Variants in FCHSD2 observed in about 807,000 individuals in gnomAD.
FCHSD2 encodes the protein F-BAR and double SH3 domains protein 2.
Under a neutral mutation model 108.1 loss-of-function variants are expected in FCHSD2, and 38 were observed. The ratio of observed to expected loss-of-function variants is 0.35; its 90% CI spans 0.27 to 0.46. The LOEUF is 0.46. Ranked by LOEUF, FCHSD2 falls within the 20% of genes least tolerant of loss-of-function variation. FCHSD2 has a pLI of 1.00. For synonymous variants in FCHSD2, 279 were observed against 314.7 expected (o/e 0.89, Z 1.20); for missense variants, 751 against 897.8 (o/e 0.84, Z 2.09).
In FCHSD2 at chr11:72,926,826, A is replaced by G. The variant is rs550458050; in HGVS notation, c.706-4876T>C. On this transcript the variant is annotated intron_variant, in intron 8 of 19. Transcript: ENST00000409418. ...GATTAGAAATACTGAACTTTTGTTG[A>G]TAGTTTTGAATTTAGATGTAGAAGC... Among the ~76,000 whole-genome samples the G allele has an allele frequency of 3.2e-4, 49 of 152,310 alleles. No homozygotes were observed. The South Asian group carries it at 9.5e-3, about 30-fold the overall frequency.
intron 3 of FCHSD2, among the ~76,000 whole-genome samples, chr11:73,064,102 C>T (rs548915910): frequency 6.6e-6 from 1 of 152,116 alleles, no homozygotes; most frequent in African/African-American, 2.4e-5. Context: ...GGCCACAGTG[C>T]AATCAAACTA....
chr11:72,911,548 T>C (rs1424223050), intron 9 of FCHSD2, among the ~76,000 whole-genome samples: 3 of 152,246 alleles, frequency 2.0e-5, no homozygotes. Flanking sequence ...TGAAAGAGAC[T>C]GCATTGAATC....
chr11:73,043,118 C>T (rs542934294), intron 3 of FCHSD2, among the ~76,000 whole-genome samples: 1 of 152,266 alleles, frequency 6.6e-6, no homozygotes, highest in Non-Finnish European at 1.5e-5. Context: ...AGTGGGCATC[C>T]TTGTCTTACT....
intron 5 of FCHSD2, among the ~76,000 whole-genome samples, chr11:73,000,597 T>C (rs558666358): frequency 1.3e-5 from 2 of 152,316 alleles, no homozygotes; most frequent in East Asian, 1.9e-4. Flanking sequence ...TTATACAAAA[T>C]GGGTCAAGTT....
chr11:73,057,080 C>G (rs899680722), intron 3 of FCHSD2, among the ~76,000 whole-genome samples: 2 of 152,002 alleles, frequency 1.3e-5, no homozygotes, highest in Non-Finnish European at 2.9e-5. Flanking sequence ...AAGACTCCGA[C>G]TCAAAAACTA....
intron 9 of FCHSD2, among the ~76,000 whole-genome samples, chr11:72,915,198 C>T (rs1299729793): frequency 6.6e-6 from 1 of 151,778 alleles, no homozygotes; most frequent in African/African-American, 2.4e-5. Flanking sequence ...CCATGAGATA[C>T]CATCTCACAC....
At chr11:73,016,989 G>A (rs759277747) in intron 3 of FCHSD2, among the ~76,000 whole-genome samples, 14 of 151,306 alleles carry the variant, frequency 9.3e-5, no homozygotes, top group African/African-American at 2.2e-4. Context: ...GTTTTCGTTC[G>A]TTTGTTTGTT....
chr11:73,028,260 CT>C lies in FCHSD2; in HGVS notation c.166-12376del, dbSNP rs1858275751. Among the ~76,000 whole-genome samples the C allele has an allele frequency of 6.6e-5, 10 of 152,324 alleles. 2 individuals are homozygous for C. Among genetic ancestry groups the C allele is most frequent in the African/African-American group, 2.4e-4 (10 of 41,572 alleles). ...CTGCAGAGCCACAAGGACAGAGATG[CT>C]TAAGGCCTTGGGAGCCCACATCTTG... On this transcript the variant is annotated intron_variant, in intron 3 of 19. Transcript: ENST00000409418.
intron 2 of FCHSD2, among the ~76,000 whole-genome samples, chr11:73,126,528 TTAA>T (rs1860864063): frequency 6.6e-6 from 1 of 151,970 alleles, no homozygotes; most frequent in African/African-American, 2.4e-5. Flanking sequence ...TTAAAGTCTA[TTAA>T]TAATGAAAAT....
intron 8 of FCHSD2, among the ~76,000 whole-genome samples, chr11:72,934,526 G>A (rs1856262227): frequency 6.6e-6 from 1 of 151,960 alleles, no homozygotes; most frequent in South Asian, 2.1e-4. Flanking sequence ...TAGAGACAAG[G>A]TTTCACTATG....
At chr11:72,940,633 G>A (rs1856396860) in intron 8 of FCHSD2, 5 of 1,445,148 alleles carry the variant, frequency 3.5e-6, no homozygotes, top group African/African-American at 1.4e-5. Context: ...CACCCAGCCT[G>A]ATAAAGCGCG....
intron 3 of FCHSD2, among the ~76,000 whole-genome samples, chr11:73,067,485 AAAAG>A (rs1375571306): frequency 5.9e-5 from 9 of 152,176 alleles, no homozygotes; most frequent in Non-Finnish European, 1.0e-4. Flanking sequence ...TAATAAAAAA[AAAAG>A]AAAGAAAGAA....
chr11:72,903,264 T>C (rs1449367169), intron 9 of FCHSD2, among the ~76,000 whole-genome samples: 1 of 152,154 alleles, frequency 6.6e-6, no homozygotes, highest in African/African-American at 2.4e-5. Flanking sequence ...TCGCCTGGGC[T>C]GGAGTACAGT....
intron 10 of FCHSD2, among the ~76,000 whole-genome samples, chr11:72,893,189 TG>T (rs1174418188): frequency 1.3e-5 from 2 of 151,268 alleles, no homozygotes; most frequent in African/African-American, 2.4e-5. Flanking sequence ...TTAGTAGAGA[TG>T]GGGGTTTTGC....
At chr11:72,841,690 A>T in intron 17 of FCHSD2, 107 bp from the exon 18 acceptor site, 1 of 1,228,700 alleles carries the variant, frequency 8.1e-7, no homozygotes, top group Non-Finnish European at 1.1e-6. Context: ...AGCTAAGCTG[A>T]TTGTTGAAAC....
chr11:73,023,298 T>C (rs1428072442), intron 3 of FCHSD2, among the ~76,000 whole-genome samples: 1 of 152,012 alleles, frequency 6.6e-6, no homozygotes, highest in East Asian at 1.9e-4. Context: ...ATGTATCTGA[T>C]AAAGGAAGTC....
chr11:72,842,507 G>T, intron 17 of FCHSD2, 114 bp downstream of exon 17: 1 of 1,274,296 alleles, frequency 7.8e-7, no homozygotes, highest in East Asian at 2.4e-5. Context: ...TGGCAACCAA[G>T]GACCGGTGAG....
At chr11:72,907,531 T>A (rs1331142230) in intron 9 of FCHSD2, among the ~76,000 whole-genome samples, 1 of 152,082 alleles carries the variant, frequency 6.6e-6, no homozygotes, top group Non-Finnish European at 1.5e-5. Flanking sequence ...TTATTGAGAG[T>A]TTTTAGCATG....
At chr11:72,854,777 C>T (rs185405508) in intron 13 of FCHSD2, among the ~76,000 whole-genome samples, 1 of 152,308 alleles carries the variant, frequency 6.6e-6, no homozygotes, top group African/African-American at 2.4e-5. Flanking sequence ...TGGTGATTGT[C>T]AGAGGCTGCA....
Sources: allele counts gnomAD v4.1 joint callset (sites outside exome capture counted in the v4.1 genomes callset), GRCh38; gene constraint gnomAD v4.1.1; transcripts MANE v1.5; gene names NCBI Gene and HGNC (gene_info 2026-07-23, HGNC 2026-07-21).